The following BRD7 variants were observed in gnomAD, a reference collection of about 807,000 sequenced individuals.
BRD7 encodes bromodomain-containing protein 7.
A neutral mutation model predicts 82.1 loss-of-function variants in BRD7; 15 were observed. The ratio of observed to expected loss-of-function variants is 0.18; its 90% CI spans 0.12 to 0.28. The LOEUF is 0.28. Among genes scored for constraint, BRD7 ranks in the 10% least tolerant of loss-of-function variants. The pLI, the probability that BRD7 is intolerant of heterozygous loss-of-function variation, is 1.00. For synonymous variants in BRD7, 232 were observed against 266.9 expected (o/e 0.87, Z 1.27); for missense variants, 638 against 779.9 (o/e 0.82, Z 2.17).
intron 5 of BRD7, chr16:50,349,683 G>A (rs1226424277): frequency 4.5e-6 from 2 of 444,516 alleles, no homozygotes; most frequent in Middle Eastern, 3.4e-4. Flanking sequence ...TCTAGAAATA[G>A]AAAAAACCCT....
At chr16:50,332,178 C>G (rs1175858946) in intron 8 of BRD7, among the ~76,000 whole-genome samples, 1 of 152,138 alleles carries the variant, frequency 6.6e-6, no homozygotes, top group Non-Finnish European at 1.5e-5. Context: ...GCCAAAGAAA[C>G]TATCAACAGA....
intron 8 of BRD7, among the ~76,000 whole-genome samples, chr16:50,332,559 G>C (rs889646119): frequency 6.6e-6 from 1 of 152,180 alleles, no homozygotes; most frequent in African/African-American, 2.4e-5. Context: ...AATTAGTTCA[G>C]CTCCTGTGGA....
At chr16:50,348,501 C>T (rs551246749) in intron 5 of BRD7, among the ~76,000 whole-genome samples, 33 of 152,296 alleles carry the variant, frequency 2.2e-4, no homozygotes, top group Admixed American at 8.5e-4. Context: ...AAAATTTTCA[C>T]AGTCTATCCA....
intron 8 of BRD7, among the ~76,000 whole-genome samples, chr16:50,331,691 G>A (rs908408374): frequency 7.9e-5 from 12 of 152,144 alleles, no homozygotes; most frequent in African/African-American, 2.9e-4. Flanking sequence ...GCGACAGAGT[G>A]ACACCCTGTC....
intron 5 of BRD7, among the ~76,000 whole-genome samples, chr16:50,345,858 G>A (rs548604433): frequency 1.5e-3 from 123 of 84,702 alleles, no homozygotes; most frequent in African/African-American, 6.4e-3. Flanking sequence ...TAGACAGATC[G>A]ACGAGACAGA....
chr16:50,366,898 G>A (rs983224732), intron 2 of BRD7, among the ~76,000 whole-genome samples: 1 of 152,122 alleles, frequency 6.6e-6, no homozygotes, highest in Non-Finnish European at 1.5e-5. Context: ...GTGTACTTTT[G>A]CACCACATGA....
rs1404966349 is a variant in BRD7 at position 50,316,310 on chromosome 16, G to C, written c.*2901C>G. The C allele has an allele frequency of 6.6e-6, 1 of 152,406 alleles. No homozygotes were observed. Among genetic ancestry groups the C allele is most frequent in the Non-Finnish European group, 1.5e-5 (1 of 68,064 alleles). 9.4% of individuals were successfully genotyped at this position (152,406 alleles called of 1,614,324 possible). ...CACAGCAAGAAGGCGGGGAGCAGCA[G>C]AGCCTTGCCTTTGAATGAGGCAGCT... On this transcript the variant is annotated 3_prime_UTR_variant, in exon 17 of 17. Coordinates refer to ENST00000394688, the MANE Select transcript of BRD7 (RefSeq NM_013263.5).
chr16:50,366,973 C>T (rs181835347), intron 2 of BRD7, among the ~76,000 whole-genome samples: 62 of 152,292 alleles, frequency 4.1e-4, no homozygotes, highest in African/African-American at 1.4e-3. Flanking sequence ...CAAAACATTA[C>T]TCCTACCTAG....
At chr16:50,324,813 T>C (rs1240540814) in intron 11 of BRD7, among the ~76,000 whole-genome samples, 2 of 152,258 alleles carry the variant, frequency 1.3e-5, no homozygotes, top group African/African-American at 4.8e-5. Flanking sequence ...TTGCCAGTGT[T>C]GTTCCCCTGT....
At chr16:50,342,180 AAAC>A (rs1246248692) in intron 5 of BRD7, among the ~76,000 whole-genome samples, 1 of 150,014 alleles carries the variant, frequency 6.7e-6, no homozygotes, top group Non-Finnish European at 1.5e-5. Flanking sequence ...TGCAGAAAAA[AAAC>A]AAAAAACAAA....
intron 2 of BRD7, among the ~76,000 whole-genome samples, chr16:50,360,754 T>C (rs1189594648): frequency 2.0e-5 from 3 of 152,214 alleles, no homozygotes; most frequent in Non-Finnish European, 2.9e-5. Flanking sequence ...AGGTAAATAT[T>C]TGTTGAATAA....
chr16:50,322,061 CT>C, intron 12 of BRD7, 23 bp from the exon 13 acceptor site: 1 of 1,577,236 alleles, frequency 6.3e-7, no homozygotes. Context: ...AGAAAAACAG[CT>C]TTTTAGGAAA....
At chr16:50,331,136 G>C (rs912036272) in intron 8 of BRD7, among the ~76,000 whole-genome samples, 1 of 152,226 alleles carries the variant, frequency 6.6e-6, no homozygotes, top group African/African-American at 2.4e-5. Context: ...AAGATCTCTA[G>C]AAGAACTAAA....
intron 2 of BRD7, among the ~76,000 whole-genome samples, chr16:50,358,968 G>A (rs980885739): frequency 1.3e-5 from 2 of 152,154 alleles, no homozygotes; most frequent in South Asian, 2.1e-4. Context: ...TACAACACAA[G>A]GCTGTGATCT....
chr16:50,332,454 A>T (rs1330978149), intron 8 of BRD7, among the ~76,000 whole-genome samples: 1 of 152,234 alleles, frequency 6.6e-6, no homozygotes, highest in Non-Finnish European at 1.5e-5. Context: ...AACCACAATA[A>T]GATACCATAT....
At chr16:50,325,623 T>TA (rs1200936082) in intron 11 of BRD7, 125 bp downstream of exon 11, 344 of 842,884 alleles carry the variant, frequency 4.1e-4, no homozygotes, top group South Asian at 5.8e-4. Context: ...ATTGTCAGCT[T>TA]AAAAAAAAAT....
At chr16:50,354,694 C>A in intron 3 of BRD7, 99 bp downstream of exon 3, 1 of 1,461,416 alleles carries the variant, frequency 6.8e-7, no homozygotes, top group Non-Finnish European at 9.2e-7. Context: ...AAAATTCAAT[C>A]ACAAAGCTCC....
chr16:50,318,422 T>C lies in BRD7; in HGVS notation c.*789A>G, dbSNP rs2036921762. The C allele has an allele frequency of 6.6e-6, 1 of 152,210 alleles. No homozygotes were observed. The allele number at this position is 152,210 out of a possible 1,614,324, so 9.4% of individuals were successfully genotyped here. On this transcript the variant is annotated 3_prime_UTR_variant, in exon 17 of 17. Coordinates refer to ENST00000394688, the MANE Select transcript of BRD7 (RefSeq NM_013263.5). ...AAGGCTATCTATCTATCTATCTCCATCCTGATTTTTTTCCCTTGTGTATAA... is the reference window on the plus strand; with the variant it reads ...AAGGCTATCTATCTATCTATCTCCACCCTGATTTTTTTCCCTTGTGTATAA...
intron 9 of BRD7, among the ~76,000 whole-genome samples, chr16:50,327,325 A>G (rs1597032774): frequency 1.3e-5 from 2 of 152,156 alleles, no homozygotes; most frequent in African/African-American, 2.4e-5. Context: ...CAGAGACCAC[A>G]CTCGGCTTCA....
Sources: gnomAD v4.1 joint callset for allele counts (sites outside exome capture counted in the v4.1 genomes callset) on GRCh38, gnomAD v4.1.1 for gene constraint, MANE v1.5 for transcripts, NCBI Gene and HGNC (gene_info 2026-07-23, HGNC 2026-07-21) for gene names.